The following PPFIBP1 variants were observed in gnomAD, a reference collection of about 807,000 sequenced individuals.
The protein encoded by PPFIBP1 is liprin-beta-1.
Under a neutral mutation model 137.8 loss-of-function variants are expected in PPFIBP1, and 112 were observed. The ratio of observed to expected loss-of-function variants is 0.81; its 90% CI spans 0.70 to 0.95. PPFIBP1 has a LOEUF of 0.95. PPFIBP1 is among the 40% of genes least tolerant of loss of function. PPFIBP1 has a pLI of 0.00. For synonymous variants in PPFIBP1, 378 were observed against 417.3 expected (o/e 0.91, Z 1.15); for missense variants, 1,083 against 1,196.6 (o/e 0.91, Z 1.40).
intron 4 of PPFIBP1, 78 bp from the exon 5 acceptor site, chr12:27,645,984 A>G (rs2058453502): frequency 1.8e-6 from 2 of 1,096,602 alleles, no homozygotes; most frequent in Middle Eastern, 5.8e-4. Context: ...TGGACTAAGA[A>G]CACTTGTGAT....
chr12:27,651,377 A>G (rs1646736857), intron 7 of PPFIBP1, among the ~76,000 whole-genome samples: 1 of 151,628 alleles, frequency 6.6e-6, no homozygotes, highest in African/African-American at 2.4e-5. Context: ...AAAAGCACTG[A>G]GGTTACAGGC....
intron 1 of PPFIBP1, among the ~76,000 whole-genome samples, chr12:27,558,981 A>G (rs1403043497): frequency 6.6e-6 from 1 of 150,436 alleles, no homozygotes; most frequent in East Asian, 2.0e-4. Context: ...CAGCCTCCCA[A>G]CTCTAATAGG....
At chr12:27,677,011 T>C (rs1182061061) in intron 18 of PPFIBP1, 53 bp from the exon 19 acceptor site, 43 of 1,613,568 alleles carry the variant, frequency 2.7e-5, no homozygotes, top group Non-Finnish European at 3.6e-5. Context: ...GTCATCTCTG[T>C]GTTCTCTCCA....
chr12:27,639,446 T>C (rs1200409082), intron 4 of PPFIBP1, among the ~76,000 whole-genome samples: 1 of 152,158 alleles, frequency 6.6e-6, no homozygotes, highest in Non-Finnish European at 1.5e-5. Flanking sequence ...AACATTCTTA[T>C]AATGTTTTTT....
chr12:27,594,217 A>T (rs1282426588), intron 2 of PPFIBP1, among the ~76,000 whole-genome samples: 1 of 125,906 alleles, frequency 7.9e-6, no homozygotes, highest in Admixed American at 1.1e-4. Flanking sequence ...TCACTCTGTC[A>T]TCCAGGCTGG....
chr12:27,690,176 A>AT (rs144276112), intron 27 of PPFIBP1, among the ~76,000 whole-genome samples: 7,258 of 147,124 alleles, frequency 0.049, 574 homozygotes, highest in African/African-American at 0.17. Context: ...TCCTACTCGG[A>AT]TTTTTTTTTT....
intron 1 of PPFIBP1, among the ~76,000 whole-genome samples, chr12:27,569,529 A>G (rs1442908306): frequency 1.3e-5 from 2 of 151,938 alleles, no homozygotes; most frequent in African/African-American, 2.4e-5. Flanking sequence ...ACTCACCTCA[A>G]TCATTCCTGT....
At chr12:27,610,733 C>T (rs1388361472) in intron 2 of PPFIBP1, among the ~76,000 whole-genome samples, 2 of 152,142 alleles carry the variant, frequency 1.3e-5, no homozygotes, top group Non-Finnish European at 2.9e-5. Context: ...ATCTGTGTGT[C>T]GCTGCCAGGA....
intron 2 of PPFIBP1, among the ~76,000 whole-genome samples, chr12:27,609,339 C>G (rs966389851): frequency 6.6e-6 from 1 of 152,226 alleles, no homozygotes; most frequent in Non-Finnish European, 1.5e-5. Flanking sequence ...GCATCCTCAT[C>G]TGCTCATCTT....
At chr12:27,680,494 C>A (rs1395931221) in intron 21 of PPFIBP1, among the ~76,000 whole-genome samples, 1 of 152,152 alleles carries the variant, frequency 6.6e-6, no homozygotes, top group Non-Finnish European at 1.5e-5. Context: ...GTGCCTCAGT[C>A]TCCTCATCAT....
chr12:27,541,766 A>T (rs947929377), intron 1 of PPFIBP1, among the ~76,000 whole-genome samples: 1 of 152,198 alleles, frequency 6.6e-6, no homozygotes, highest in Non-Finnish European at 1.5e-5. Context: ...TTATGAGCTT[A>T]AATACTGTTT....
chr12:27,664,402 A>G lies in PPFIBP1; in HGVS notation c.947A>G (p.Tyr316Cys). 1 of 1,613,202 alleles carries G rather than the reference A, an allele frequency of 6.2e-7. No individual in the cohort carries two copies. The highest frequency in any genetic ancestry group is 8.5e-7 in the Non-Finnish European group (1 of 1,179,262). ...GATCTTCGACAGTGCCTGAACAGGT[A>G]CAAGAAAATGCAAGACACGGTGGTA... ...IEDLRQCLNR[Y>C]KKMQDTVVLA... Residue 316 changes from tyrosine to cysteine, a missense_variant, in exon 12 of 30, where the codon TAC (tyrosine) becomes TGC (cysteine). Tyr to Cys is a radical substitution (Grantham distance 194). Transcript: ENST00000228425.
chr12:27,622,750 C>T (rs778468323), intron 2 of PPFIBP1, among the ~76,000 whole-genome samples: 7 of 152,146 alleles, frequency 4.6e-5, no homozygotes, highest in Non-Finnish European at 1.0e-4. Flanking sequence ...GGCCCTCAAT[C>T]AATATTTGTT....
chr12:27,694,271 T>G lies in PPFIBP1; in HGVS notation c.*1389T>G, dbSNP rs922424261. The stretch of plus-strand genomic sequence containing the variant: ...TCAAGTGATCCTCCCACCTCAGCCT[T>G]TCAAAGTGCTGGAATTACAGGTGTG... On this transcript the variant is annotated 3_prime_UTR_variant, in exon 30 of 30. Coordinates refer to ENST00000228425, the MANE Select transcript of PPFIBP1 (RefSeq NM_003622.4). The G allele has an allele frequency of 6.6e-6, 1 of 152,106 alleles. No individual in the cohort carries two copies. The highest frequency in any genetic ancestry group is 2.4e-5 in the African/African-American group (1 of 41,404). The allele number at this position is 152,106 out of a possible 1,614,324, so 9.4% of individuals were successfully genotyped here.
intron 5 of PPFIBP1, among the ~76,000 whole-genome samples, chr12:27,647,519 C>T (rs1235131588): frequency 6.6e-6 from 1 of 152,154 alleles, no homozygotes; most frequent in Non-Finnish European, 1.5e-5. Context: ...CGAATTTTCT[C>T]CAAATTGTAT....
At chr12:27,614,573 G>A (rs1244824558) in intron 2 of PPFIBP1, among the ~76,000 whole-genome samples, 1 of 152,108 alleles carries the variant, frequency 6.6e-6, no homozygotes, top group Non-Finnish European at 1.5e-5. Context: ...TCCTTTTACT[G>A]CCAGACTCCT....
At chr12:27,623,583 C>CTG (rs1320629251) in intron 2 of PPFIBP1, among the ~76,000 whole-genome samples, 1 of 152,036 alleles carries the variant, frequency 6.6e-6, no homozygotes, top group Non-Finnish European at 1.5e-5. Context: ...TCGCACCCAC[C>CTG]TGTGGTCCCA....
intron 6 of PPFIBP1, among the ~76,000 whole-genome samples, chr12:27,648,266 A>G (rs1416813269): frequency 6.6e-6 from 1 of 152,230 alleles, no homozygotes. Context: ...ATCATTGCTC[A>G]TCAGAGAAAT....
intron 17 of PPFIBP1, among the ~76,000 whole-genome samples, chr12:27,674,962 A>C (rs1203318165): frequency 6.8e-6 from 1 of 148,100 alleles, no homozygotes; most frequent in Non-Finnish European, 1.5e-5. Flanking sequence ...ACAGGCGTGC[A>C]CCACCATACT....
Sources: allele counts gnomAD v4.1 joint callset (sites outside exome capture counted in the v4.1 genomes callset), GRCh38; gene constraint gnomAD v4.1.1; transcripts MANE v1.5; gene names NCBI Gene and HGNC (gene_info 2026-07-23, HGNC 2026-07-21).